CENPC: variants seen among roughly 807,000 people sequenced by gnomAD.
CENPC encodes CENP-C 1.
A neutral mutation model predicts 112.1 loss-of-function variants in CENPC; 63 were observed. The ratio of observed to expected loss-of-function variants is 0.56; its 90% CI spans 0.46 to 0.69. The LOEUF (loss-of-function observed/expected upper bound fraction) is 0.69, where lower values mean the gene tolerates loss of function less well. CENPC is among the 30% of genes least tolerant of loss of function. The pLI is 0.00. For missense variants in CENPC, 1,000 were observed against 1,103.8 expected, an observed-to-expected ratio of 0.91 and a Z score of 1.33; for synonymous variants, 333 against 367.6, an observed-to-expected ratio of 0.91 and a Z score of 1.08.
At position 67,509,040 on chromosome 4, in the gene CENPC, AT is replaced by A; in HGVS notation, c.1677del (p.Lys559AsnfsTer37). On this transcript the variant is annotated frameshift_variant, in exon 10 of 19. Coordinates refer to ENST00000273853, the MANE Select transcript of CENPC (RefSeq NM_001812.4). LOFTEE classifies it high-confidence loss of function. Reference sequence around the variant, plus strand: ...GATGACTGATTTGTTTTCTTAGTAGATTTTCGGCTACTATTGTGATGCATTG... The same window carrying A: ...GATGACTGATTTGTTTTCTTAGTAGATTTCGGCTACTATTGTGATGCATTG... ...ELPMHHNSSRKSTKKTNQSSK... is the reference protein window; with the variant it reads ...ELPMHHNSSRXSTKKTNQSSK... 6.2e-7 allele frequency: 1 copy of A among 1,612,036 alleles called. No homozygotes were observed.
chr4:67,521,034 T>C (rs200891521), intron 5 of CENPC, among the ~76,000 whole-genome samples: 1 of 20,722 alleles, frequency 4.8e-5, no homozygotes, highest in South Asian at 2.3e-3. Context: ...AATAAATAAA[T>C]AAATAAATAA....
intron 9 of CENPC, 123 bp downstream of exon 9, chr4:67,512,279 T>C: frequency 1.5e-6 from 1 of 675,624 alleles, no homozygotes; most frequent in Non-Finnish European, 2.5e-6. Flanking sequence ...AATATTCCTT[T>C]TGATGACCCA....
Position 67,492,253 on chromosome 4 carries a change from T to C in CENPC, c.2442A>G (p.Leu814=), listed in dbSNP as rs1352975892. The part of the protein sequence containing the change: ...DERKTNLMVN[L]GIPLGDPLQP... ...GCAAAGGATCTCCAAGAGGTATACC[T>C]AGATTTACCATTAAGTTAGTCTCTG... Residue 814 remains leucine, a synonymous_variant, in exon 16 of 19, where the codon CTA becomes CTG. Transcript: ENST00000273853. 3 of 1,562,264 alleles carry C rather than the reference T, an allele frequency of 1.9e-6. No homozygotes were observed. Among genetic ancestry groups the C allele is most frequent in the Admixed American group, 3.8e-5 (2 of 52,760 alleles).
intron 17 of CENPC, among the ~76,000 whole-genome samples, chr4:67,488,870 A>C (rs1438214760): frequency 6.6e-6 from 1 of 151,858 alleles, no homozygotes; most frequent in Non-Finnish European, 1.5e-5. Context: ...ATAATCTTTG[A>C]CTTTCATATG....
chr4:67,472,312 A>C lies in CENPC; in HGVS notation c.*293T>G. 5.0e-6 allele frequency: 1 copy of C among 198,356 alleles called. No individual in the cohort carries two copies. The highest frequency in any genetic ancestry group is 1.2e-4 in the East Asian group (1 of 8,148). 12.3% of individuals were successfully genotyped at this position (198,356 alleles called of 1,614,324 possible). On this transcript the variant is annotated 3_prime_UTR_variant, in exon 19 of 19. Transcript: ENST00000273853. ...ATGTTTTTTAATGAGTAGACATATT[A>C]ATCAGGTCTCTTTTGACACAGAAAT...
chr4:67,509,456 T>C (rs141586965), intron 9 of CENPC, among the ~76,000 whole-genome samples: 24 of 152,262 alleles, frequency 1.6e-4, no homozygotes, highest in East Asian at 3.9e-4. Context: ...TATACTTTCA[T>C]TGACGGACTT....
intron 10 of CENPC, among the ~76,000 whole-genome samples, chr4:67,508,513 TAAAAAA>T (rs34160703): frequency 4.4e-5 from 4 of 91,154 alleles, no homozygotes; most frequent in Admixed American, 1.5e-4. Flanking sequence ...CTCTGTCTCT[TAAAAAA>T]AAAAAAAAAA....
chr4:67,474,007 T>TG (rs1279469831), intron 18 of CENPC, among the ~76,000 whole-genome samples: 1 of 152,164 alleles, frequency 6.6e-6, no homozygotes, highest in Non-Finnish European at 1.5e-5. Flanking sequence ...AGAGATAACA[T>TG]GGGGTAAATA....
chr4:67,545,311 C>G, intron 1 of CENPC, 27 bp downstream of exon 1: 3 of 1,465,000 alleles, frequency 2.0e-6, no homozygotes, highest in Non-Finnish European at 1.8e-6. Context: ...CTCAACCACT[C>G]GCCTGGAGCG....
chr4:67,482,899 T>C (rs1366310972), intron 17 of CENPC, among the ~76,000 whole-genome samples: 1 of 151,992 alleles, frequency 6.6e-6, no homozygotes, highest in Non-Finnish European at 1.5e-5. Flanking sequence ...AAATGTCACC[T>C]TGAATTGTAG....
rs1483729937 is a variant in CENPC at position 67,508,808 on chromosome 4, C to T, written c.1904+6G>A. 6.2e-7 allele frequency: 1 copy of T among 1,611,386 alleles called. No individual in the cohort carries two copies. The highest frequency in any genetic ancestry group is 1.7e-5 in the Admixed American group (1 of 59,592). On this transcript the variant is annotated splice_donor_region_variant and intron_variant, in intron 10 of 18. Coordinates refer to ENST00000273853, the MANE Select transcript of CENPC (RefSeq NM_001812.4). ...GTAACTATATTGTACACATAACAGA[C>T]ATTACCTAGAACAATCAAGATTTTT...
chr4:67,519,583 T>C (rs1298379809), intron 5 of CENPC, 81 bp from the exon 6 acceptor site: 2 of 935,398 alleles, frequency 2.1e-6, no homozygotes, highest in South Asian at 2.6e-5. Context: ...AATTCTGCAA[T>C]AATTTAATCA....
chr4:67,524,778 C>T (rs1377691068), intron 5 of CENPC, among the ~76,000 whole-genome samples: 2 of 152,142 alleles, frequency 1.3e-5, no homozygotes, highest in Non-Finnish European at 2.9e-5. Context: ...AAATTCAATG[C>T]TACTCCCATC....
chr4:67,510,860 TCGACTCCCAGC>T, intron 9 of CENPC: 1 of 378,890 alleles, frequency 2.6e-6, no homozygotes, highest in South Asian at 2.0e-5. Context: ...CTCCACTTTT[TCGACTCCCAGC>T]TTGATCAAAA....
intron 18 of CENPC, among the ~76,000 whole-genome samples, chr4:67,473,620 A>G (rs948976854): frequency 5.9e-5 from 9 of 151,792 alleles, no homozygotes; most frequent in African/African-American, 1.9e-4. Context: ...TAGTACAATC[A>G]CAGCTCACCG....
At chr4:67,521,659 A>G (rs1486486447) in intron 5 of CENPC, among the ~76,000 whole-genome samples, 3 of 152,210 alleles carry the variant, frequency 2.0e-5, no homozygotes, top group Non-Finnish European at 2.9e-5. Context: ...GCAGGAACTC[A>G]AAGAGATACT....
In CENPC at chr4:67,474,950, A is replaced by C; in HGVS notation, c.2699T>G (p.Leu900Trp). The C allele has an allele frequency of 1.9e-6, 3 of 1,570,114 alleles. No individual in the cohort carries two copies. The highest frequency in any genetic ancestry group is 2.6e-6 in the Non-Finnish European group (3 of 1,155,444). Residue 900 changes from leucine (L) to tryptophan (W), a missense_variant, in exon 18 of 19, where the codon TTG becomes TGG. Transcript: ENST00000273853. ...LVFYVNFGDL[L>W]CTLHETPYIL... Reference sequence around the variant, plus strand: ...ATAAGGTGTTTCATGTAAAGTACACAAAAGGTCACCAAAGTTAACATAAAA... The same window carrying C: ...ATAAGGTGTTTCATGTAAAGTACACCAAAGGTCACCAAAGTTAACATAAAA...
intron 9 of CENPC, among the ~76,000 whole-genome samples, chr4:67,509,334 C>T (rs1725832495): frequency 6.6e-6 from 1 of 151,826 alleles, no homozygotes; most frequent in Non-Finnish European, 1.5e-5. Flanking sequence ...GAAACAGGCC[C>T]TTCAAATCTG....
At chr4:67,488,899 C>T (rs1279512996) in intron 17 of CENPC, among the ~76,000 whole-genome samples, 1 of 151,806 alleles carries the variant, frequency 6.6e-6, no homozygotes, top group Non-Finnish European at 1.5e-5. Flanking sequence ...CCTTGCCTTG[C>T]CTAAATTTGC....
Sources: allele counts gnomAD v4.1 joint callset (sites outside exome capture counted in the v4.1 genomes callset), GRCh38; gene constraint gnomAD v4.1.1; transcripts MANE v1.5; gene names NCBI Gene and HGNC (gene_info 2026-07-23, HGNC 2026-07-21).